Variants in SIPA1L1 observed in about 807,000 individuals in gnomAD.
The protein encoded by SIPA1L1 is signal-induced proliferation-associated 1-like protein 1.
In SIPA1L1, 26 loss-of-function variants were observed where a neutral mutation model predicts 162.7. That is an observed-to-expected ratio of 0.16 (90% CI 0.12 to 0.22). The LOEUF (loss-of-function observed/expected upper bound fraction) is 0.22, where lower values mean the gene tolerates loss of function less well. Ranked by LOEUF, SIPA1L1 falls within the 10% of genes least tolerant of loss-of-function variation. SIPA1L1 has a pLI of 1.00. For synonymous variants in SIPA1L1, 829 were observed against 837.4 expected (o/e 0.99, Z 0.17); for missense variants, 1,874 against 2,241.0 (o/e 0.84, Z 3.31).
In SIPA1L1 at chr14:71,601,911, C is replaced by CT. The variant is rs568565067; in HGVS notation, c.1498+12549dup. Among the ~76,000 whole-genome samples, 478 of 150,170 alleles carry CT rather than the reference C, an allele frequency of 3.2e-3. 4 individuals carry two copies. The highest frequency in any genetic ancestry group is 0.011 in the African/African-American group (446 of 40,890). ...TTTTTGTAGTTATCAGTTGTGATGT[C>CT]TTTTTTTTCATTTCTGATTTTATTT... On this transcript the variant is annotated intron_variant, in intron 5 of 23. Transcript: ENST00000381232.
chr14:71,702,818 C>A (rs1038095371), intron 15 of SIPA1L1, among the ~76,000 whole-genome samples: 2 of 152,124 alleles, frequency 1.3e-5, no homozygotes, highest in African/African-American at 4.8e-5. Context: ...AGAATAAGTG[C>A]CTTGAGAGAT....
intron 4 of SIPA1L1, among the ~76,000 whole-genome samples, chr14:71,587,246 T>C (rs1451490723): frequency 3.9e-5 from 6 of 152,190 alleles, no homozygotes; most frequent in Non-Finnish European, 5.9e-5. Context: ...TTAGAGGTCA[T>C]TGGAGCAAAA....
intron 17 of SIPA1L1, among the ~76,000 whole-genome samples, chr14:71,713,579 A>C (rs1047276925): frequency 1.3e-5 from 2 of 152,240 alleles, no homozygotes; most frequent in African/African-American, 4.8e-5. Context: ...ACAGTTGTCA[A>C]CACAGCTCAA....
intron 12 of SIPA1L1, among the ~76,000 whole-genome samples, chr14:71,675,590 T>C (rs953487026): frequency 6.6e-6 from 1 of 152,212 alleles, no homozygotes; most frequent in Non-Finnish European, 1.5e-5. Context: ...AGAATAATGC[T>C]CTTGTGTCAT....
At chr14:71,422,239 A>AGTTT (rs1227439971) in intron 2 of SIPA1L1, among the ~76,000 whole-genome samples, 13 of 152,326 alleles carry the variant, frequency 8.5e-5, no homozygotes, top group Admixed American at 7.2e-4. Context: ...TCCCTATGGT[A>AGTTT]GTTTGTATTC....
chr14:71,654,958 C>A (rs930750316), intron 8 of SIPA1L1, among the ~76,000 whole-genome samples: 1 of 151,734 alleles, frequency 6.6e-6, no homozygotes, highest in Non-Finnish European at 1.5e-5. Flanking sequence ...ATATAGTAAA[C>A]AGTCTTAGAT....
At chr14:71,585,969 G>T (rs1225658982) in intron 4 of SIPA1L1, among the ~76,000 whole-genome samples, 2 of 152,146 alleles carry the variant, frequency 1.3e-5, no homozygotes, top group Non-Finnish European at 2.9e-5. Flanking sequence ...GTCACTTGAA[G>T]GGTTATCATT....
At chr14:71,714,848 C>G (rs1310102414) in intron 17 of SIPA1L1, among the ~76,000 whole-genome samples, 9 of 152,336 alleles carry the variant, frequency 5.9e-5, no homozygotes, top group African/African-American at 2.2e-4. Flanking sequence ...TCCCATAGTG[C>G]AGGAATTACC....
At chr14:71,507,234 T>C (rs1175627386) in intron 2 of SIPA1L1, among the ~76,000 whole-genome samples, 1 of 152,236 alleles carries the variant, frequency 6.6e-6, no homozygotes, top group East Asian at 1.9e-4. Context: ...CAACGTACTC[T>C]CATAGAGTGC....
At chr14:71,348,101 T>A (rs1031390255) in intron 2 of SIPA1L1, among the ~76,000 whole-genome samples, 34 of 152,314 alleles carry the variant, frequency 2.2e-4, no homozygotes, top group African/African-American at 7.5e-4. Flanking sequence ...CACAGTGATT[T>A]AAAAAAATTT....
chr14:71,519,682 A>G (rs1595878755), intron 3 of SIPA1L1, among the ~76,000 whole-genome samples: 1 of 152,044 alleles, frequency 6.6e-6, no homozygotes, highest in Non-Finnish European at 1.5e-5. Flanking sequence ...TAAAAAAAAA[A>G]ATAGCCAGAC....
At chr14:71,626,858 G>T (rs1485179990) in intron 7 of SIPA1L1, among the ~76,000 whole-genome samples, 1 of 151,936 alleles carries the variant, frequency 6.6e-6, no homozygotes, top group Non-Finnish European at 1.5e-5. Flanking sequence ...GTGGCATTTT[G>T]CCTTTCAAAT....
intron 10 of SIPA1L1, among the ~76,000 whole-genome samples, chr14:71,669,071 T>G (rs550064760): frequency 6.6e-6 from 1 of 152,212 alleles, no homozygotes; most frequent in African/African-American, 2.4e-5. Context: ...AACAAAATCA[T>G]TTATTTGAAA....
At chr14:71,332,618 T>A (rs2034676497) in intron 2 of SIPA1L1, among the ~76,000 whole-genome samples, 1 of 152,164 alleles carries the variant, frequency 6.6e-6, no homozygotes, top group Non-Finnish European at 1.5e-5. Flanking sequence ...GGTTTTTAAA[T>A]CTTGGTTTCT....
chr14:71,579,729 T>G (rs893701464), intron 4 of SIPA1L1, among the ~76,000 whole-genome samples: 8 of 152,276 alleles, frequency 5.3e-5, no homozygotes, highest in Non-Finnish European at 1.0e-4. Flanking sequence ...AATAATAGTT[T>G]GGATATTATG....
At chr14:71,328,748 G>C (rs2034137284) in intron 2 of SIPA1L1, among the ~76,000 whole-genome samples, 1 of 152,172 alleles carries the variant, frequency 6.6e-6, no homozygotes, top group Non-Finnish European at 1.5e-5. Context: ...CATGCAATTT[G>C]ATAATTGTAT....
chr14:71,677,983 T>C (rs2045384857), intron 12 of SIPA1L1, among the ~76,000 whole-genome samples: 1 of 152,216 alleles, frequency 6.6e-6, no homozygotes, highest in African/African-American at 2.4e-5. Flanking sequence ...CATATGAACT[T>C]GTATTTTGTA....
At position 71,645,096 on chromosome 14, in the gene SIPA1L1, C is replaced by T. The variant is rs888273135; in HGVS notation, c.1819-5239C>T. ...GGCCTTTTCAACTTCTGGTGGCTGC[C>T]CGTGCACCTTGGCTCATGGCCCTTC... On this transcript the variant is annotated intron_variant, in intron 7 of 23. Transcript: ENST00000381232. Among the ~76,000 whole-genome samples the T allele has an allele frequency of 3.3e-5, 5 of 152,302 alleles. No homozygotes were observed. In the South Asian group the frequency reaches 1.0e-3, roughly 32 times the overall value.
At chr14:71,561,544 G>GAAGAA (rs1167663974) in intron 4 of SIPA1L1, among the ~76,000 whole-genome samples, 3 of 152,164 alleles carry the variant, frequency 2.0e-5, no homozygotes, top group Non-Finnish European at 4.4e-5. Flanking sequence ...ATTAACAAGT[G>GAAGAA]AAGAATTACT....
Sources: gnomAD v4.1 joint callset for allele counts (sites outside exome capture counted in the v4.1 genomes callset) on GRCh38, gnomAD v4.1.1 for gene constraint, MANE v1.5 for transcripts, NCBI Gene and HGNC (gene_info 2026-07-23, HGNC 2026-07-21) for gene names.